BAHCC1: variants seen among roughly 807,000 people sequenced by gnomAD.
The protein encoded by BAHCC1 is BAH and coiled-coil domain-containing protein 1.
In BAHCC1, 43 loss-of-function variants were observed where a neutral mutation model predicts 88.2. The observed-to-expected ratio is 0.49, with a 90% CI of 0.38 to 0.63. The LOEUF (loss-of-function observed/expected upper bound fraction) is 0.63. BAHCC1 is among the 20% of genes least tolerant of loss of function. The pLI is 0.00. For synonymous variants in BAHCC1, 1,510 were observed against 745.5 expected, an observed-to-expected ratio of 2.03 and a Z score of -16.71; for missense variants, 3,023 against 1,654.8, an observed-to-expected ratio of 1.83 and a Z score of -14.34.
At chr17:81,438,260 G>A (rs903115276) in intron 3 of BAHCC1, 110 bp from the exon 4 acceptor site, 23 of 707,406 alleles carry the variant, frequency 3.3e-5, no homozygotes, top group Non-Finnish European at 5.2e-5. Flanking sequence ...TGGGCTCTGC[G>A]GGACATCGCT....
chr17:81,461,109 T>G lies in BAHCC1; in HGVS notation c.6446T>G (p.Phe2149Cys), dbSNP rs782063133. Residue 2149 changes from phenylalanine (F) to cysteine (C), a missense_variant, in exon 26 of 28, where the codon TTT becomes TGT. Physicochemically the swap from Phe to Cys is radical, Grantham distance 205. Coordinates refer to ENST00000675386, the MANE Select transcript of BAHCC1 (RefSeq NM_001377448.1). Reference sequence around the variant, plus strand: ...GTGCACAGCGTGGCCACACCCATATTTGGCAACGGCTTCCGCGCCGACTCC... The same window carrying G: ...GTGCACAGCGTGGCCACACCCATATGTGGCAACGGCTTCCGCGCCGACTCC... ...FPVHSVATPI[F>C]GNGFRADSFS... 3.9e-6 allele frequency: 3 copies of G among 766,812 alleles called. No homozygotes were observed. Among genetic ancestry groups the G allele is most frequent in the Non-Finnish European group, 7.2e-6 (3 of 416,836 alleles). 47.5% of individuals were successfully genotyped at this position (766,812 alleles called of 1,614,324 possible).
rs782274525 is a variant in BAHCC1 at position 81,461,147 on chromosome 17, G to A, written c.6484G>A (p.Ala2162Thr). 1 of 761,100 alleles carries A rather than the reference G, an allele frequency of 1.3e-6. No individual in the cohort carries two copies. The highest frequency in any genetic ancestry group is 1.7e-5 in the Admixed American group (1 of 58,132). The allele number at this position is 761,100 out of a possible 1,614,324, so 47.1% of individuals were successfully genotyped here. A position where few individuals can be genotyped will look rare whatever the true frequency, so the allele number is the denominator to read the frequency against. Residue 2162 changes from alanine (A) to threonine (T), a missense_variant, in exon 26 of 28, where the codon GCC (alanine) becomes ACC (threonine). Transcript: ENST00000675386. ...GFRADSFSSL[A>T]SSYAPFVGGT... is the part of the protein sequence containing the mutation. ...CCGCGCCGACTCCTTCAGCAGCCTG[G>A]CCAGCTCCTACGCGCCCTTCGTCGG...
Position 81,399,837 on chromosome 17 carries a change from C to A in BAHCC1, c.98C>A (p.Ala33Asp). The A allele has an allele frequency of 7.4e-7, 1 of 1,358,892 alleles. No homozygotes were observed. Among genetic ancestry groups the A allele is most frequent in the Admixed American group, 3.6e-5 (1 of 27,570 alleles). The allele number at this position is 1,358,892 out of a possible 1,614,324, so 84.2% of individuals were successfully genotyped here. The change falls in exon 2 of 28, where the codon GCT becomes GAT. Residue 33 changes from alanine to aspartate, a missense_variant. Ala to Asp is a moderately radical substitution (Grantham distance 126). Coordinates refer to ENST00000675386, the MANE Select transcript of BAHCC1 (RefSeq NM_001377448.1). This position sits in a 1 kb window ranked among gnomAD's most constrained non-coding sequence, Gnocchi z 4.5. ...GCTGCCGCCGCGCGTCTCGCCCCGG[C>A]TGGGCCCGCCGCGCAGCCCCCCGCA... Reference protein sequence around the residue: ...SAAAAARLAPAGPAAQPPAHF... With the variant: ...SAAAAARLAPDGPAAQPPAHF...
intron 1 of BAHCC1, among the ~76,000 whole-genome samples, chr17:81,398,840 G>T (rs928205229): frequency 7.9e-5 from 12 of 151,924 alleles, no homozygotes; most frequent in African/African-American, 2.9e-4. Flanking sequence ...AGCTGGTCCC[G>T]CTGGGGCTGG....
intron 11 of BAHCC1, among the ~76,000 whole-genome samples, chr17:81,451,347 G>A (rs2064630637): frequency 1.3e-5 from 2 of 152,144 alleles, no homozygotes; most frequent in South Asian, 4.1e-4. Context: ...ACACACAGGC[G>A]TTTCTGTTAG....
chr17:81,410,074 C>A, intron 2 of BAHCC1: 1 of 375,982 alleles, frequency 2.7e-6, no homozygotes, highest in Non-Finnish European at 5.5e-6. Context: ...GGCAGTTGCC[C>A]TGCCCTGCTG....
intron 2 of BAHCC1, among the ~76,000 whole-genome samples, chr17:81,417,268 G>A (rs561385999): frequency 1.8e-4 from 27 of 152,298 alleles, no homozygotes; most frequent in African/African-American, 6.0e-4. Flanking sequence ...CAGCTGCGGG[G>A]GGCGGCGCCG....
rs1555657301 is a variant in BAHCC1, at chr17:81,456,440, CG to C, written c.4719del (p.Arg1574AlafsTer107). On this transcript the variant is annotated frameshift_variant, in exon 16 of 28. Transcript: ENST00000675386. LOFTEE classifies it high-confidence loss of function. ...SSFQQKEATP[G>X]GRIREKLSRA... The stretch of plus-strand genomic sequence containing the variant: ...CTTTCCAGCAGAAGGAGGCTACCCC[CG>C]GGGGGCGCATCCGGGAGAAGCTGTC... 2.8e-6 allele frequency: 2 copies of C among 722,468 alleles called. No individual in the cohort carries two copies. The highest frequency in any genetic ancestry group is 2.0e-5 in the Admixed American group (1 of 50,676). The allele number at this position is 722,468 out of a possible 1,614,324, so 44.8% of individuals were successfully genotyped here.
At chr17:81,400,269 C>A (rs1047498400) in intron 2 of BAHCC1, among the ~76,000 whole-genome samples, 1 of 152,208 alleles carries the variant, frequency 6.6e-6, no homozygotes, top group African/African-American at 2.4e-5. Context: ...CTCCCTAAGA[C>A]GTTCCGGGGC....
intron 2 of BAHCC1, among the ~76,000 whole-genome samples, chr17:81,424,555 T>A (rs1212005646): frequency 2.0e-5 from 3 of 151,920 alleles, no homozygotes; most frequent in African/African-American, 7.3e-5. Flanking sequence ...GATTGGTGAT[T>A]GATGATGATA....
chr17:81,399,182 G>C lies in BAHCC1; in HGVS notation c.-206-352G>C. On this transcript the variant is annotated intron_variant, in intron 1 of 27. Transcript: ENST00000675386. This position sits in a 1 kb window ranked among gnomAD's most constrained non-coding sequence, Gnocchi z 4.5. The stretch of plus-strand genomic sequence containing the variant: ...GTGTGCGTGATGGCTTCGCAGATTT[G>C]GGTTTTTATCACCCAGCAGAGCCAG... The C allele has an allele frequency of 2.4e-6, 1 of 421,400 alleles. No homozygotes were observed. The highest frequency in any genetic ancestry group is 1.6e-5 in the South Asian group (1 of 62,036). 26.1% of individuals were successfully genotyped at this position (421,400 alleles called of 1,614,324 possible).
intron 4 of BAHCC1, among the ~76,000 whole-genome samples, chr17:81,439,401 G>A (rs890413084): frequency 6.1e-4 from 93 of 152,190 alleles, no homozygotes; most frequent in African/African-American, 2.1e-3. Context: ...GGGATAGAGG[G>A]GTCTAGGTGG....
At position 81,460,720 on chromosome 17, in the gene BAHCC1, C is replaced by T. The variant is rs1334601979; in HGVS notation, c.6202+14C>T. The T allele has an allele frequency of 1.3e-6, 1 of 775,258 alleles. No homozygotes were observed. Among genetic ancestry groups the T allele is most frequent in the African/African-American group, 1.7e-5 (1 of 59,042 alleles). The allele number at this position is 775,258 out of a possible 1,614,324, so 48.0% of individuals were successfully genotyped here. A position where few individuals can be genotyped will look rare whatever the true frequency, so the allele number is the denominator to read the frequency against. ...AAGACAAAGCTGGTATTTTACCGGACTTCCCAGAATCCGGATCGGGGAAGG... is the reference window on the plus strand; with the variant it reads ...AAGACAAAGCTGGTATTTTACCGGATTTCCCAGAATCCGGATCGGGGAAGG... On this transcript the variant is annotated intron_variant, in intron 25 of 27. Coordinates refer to ENST00000675386, the MANE Select transcript of BAHCC1 (RefSeq NM_001377448.1).
intron 2 of BAHCC1, among the ~76,000 whole-genome samples, chr17:81,404,481 G>A (rs946665758): frequency 3.3e-5 from 5 of 152,230 alleles, no homozygotes; most frequent in Non-Finnish European, 7.3e-5. Context: ...CGAGGCTGGG[G>A]CTCCTGGCAG....
intron 2 of BAHCC1, among the ~76,000 whole-genome samples, chr17:81,406,539 G>A (rs1160764243): frequency 6.6e-6 from 1 of 152,266 alleles, no homozygotes; most frequent in Non-Finnish European, 1.5e-5. Flanking sequence ...CTTCTGCAAA[G>A]GATGGGGCCT....
In BAHCC1 at chr17:81,447,429, G is replaced by A. The variant is rs1555654825; in HGVS notation, c.3557G>A (p.Ser1186Asn). 5.4e-6 allele frequency: 4 copies of A among 746,220 alleles called. No homozygotes were observed. Among genetic ancestry groups the A allele is most frequent in the Middle Eastern group, 2.3e-4 (1 of 4,386 alleles). 46.2% of individuals were successfully genotyped at this position (746,220 alleles called of 1,614,324 possible). A position where few individuals can be genotyped will look rare whatever the true frequency, so the allele number is the denominator to read the frequency against. The change falls in exon 11 of 28, where the codon AGC becomes AAC. Residue 1186 changes from serine to asparagine, a missense_variant. Transcript: ENST00000675386. ...STQGGAREERSREEGEQGPSS... is the reference protein window; with the variant it reads ...STQGGAREERNREEGEQGPSS... Reference sequence around the variant, plus strand: ...CAGGGAGGGGCACGAGAAGAGAGGAGCAGGGAGGAGGGGGAGCAGGGGCCC... The same window carrying A: ...CAGGGAGGGGCACGAGAAGAGAGGAACAGGGAGGAGGGGGAGCAGGGGCCC...
intron 4 of BAHCC1, among the ~76,000 whole-genome samples, chr17:81,440,413 C>T (rs1209759997): frequency 6.6e-6 from 1 of 152,228 alleles, no homozygotes; most frequent in African/African-American, 2.4e-5. Flanking sequence ...CTGGGGCTAG[C>T]CCCTTCCCGC....
intron 20 of BAHCC1, 23 bp from the exon 21 acceptor site, chr17:81,459,031 C>A (rs375110581): frequency 1.2e-5 from 9 of 734,816 alleles, no homozygotes; most frequent in Non-Finnish European, 2.3e-5. Flanking sequence ...GCCGTGCCGG[C>A]CGCTGACACC....
In BAHCC1 at chr17:81,426,928, C is replaced by T. The variant is rs980957527; in HGVS notation, c.307C>T (p.Arg103Cys). ...CTCCTCCCCCCCTGAGCAGGCCTACCGTGGCTCCCACCCCACCACCTCCCA... is the reference window on the plus strand; with the variant it reads ...CTCCTCCCCCCCTGAGCAGGCCTACTGTGGCTCCCACCCCACCACCTCCCA... Reference protein sequence around the residue: ...PSSSPPEQAYRGSHPTTSQIW... With the variant: ...PSSSPPEQAYCGSHPTTSQIW... The change falls in exon 3 of 28, where the codon CGT becomes TGT. Residue 103 changes from arginine to cysteine, a missense_variant. Coordinates refer to ENST00000675386, the MANE Select transcript of BAHCC1 (RefSeq NM_001377448.1). 48 of 398,660 alleles carry T rather than the reference C, an allele frequency of 1.2e-4. 1 individual carries two copies. Among genetic ancestry groups the T allele is most frequent in the Non-Finnish European group, 1.9e-4 (42 of 226,210 alleles). The allele number at this position is 398,660 out of a possible 1,614,324, so 24.7% of individuals were successfully genotyped here.
Sources: gnomAD v4.1 joint callset for allele counts (sites outside exome capture counted in the v4.1 genomes callset) on GRCh38, gnomAD v4.1.1 for gene constraint, Gnocchi (gnomAD v3.1) non-coding constraint, MANE v1.5 for transcripts, NCBI Gene and HGNC (gene_info 2026-07-23, HGNC 2026-07-21) for gene names.